The following SFMBT2 variants were observed in gnomAD, a reference collection of about 807,000 sequenced individuals.
The protein encoded by SFMBT2 is Scm like with four mbt domains 2.
In SFMBT2, 38 loss-of-function variants were observed where a neutral mutation model predicts 110.1. The observed-to-expected ratio is 0.35, with a 90% CI of 0.27 to 0.45. SFMBT2 has a LOEUF of 0.45. SFMBT2 is among the 20% of genes least tolerant of loss of function. SFMBT2 has a pLI of 1.00. For synonymous variants in SFMBT2, 425 were observed against 425.4 expected, an observed-to-expected ratio of 1.00 and a Z score of 0.01; for missense variants, 1,011 against 1,094.9, an observed-to-expected ratio of 0.92 and a Z score of 1.08.
chr10:7,310,795 C>T (rs1472759203), intron 4 of SFMBT2, among the ~76,000 whole-genome samples: 1 of 152,100 alleles, frequency 6.6e-6, no homozygotes, highest in African/African-American at 2.4e-5. Flanking sequence ...CTTGTAATCC[C>T]AGCACTCTGG....
chr10:7,268,604 G>C (rs898291210), intron 7 of SFMBT2, among the ~76,000 whole-genome samples: 1 of 151,850 alleles, frequency 6.6e-6, no homozygotes, highest in East Asian at 1.9e-4. Flanking sequence ...TCCACCTCTT[G>C]GGTTCAAGTG....
chr10:7,395,062 T>A (rs1316425785), intron 1 of SFMBT2, among the ~76,000 whole-genome samples: 4 of 152,184 alleles, frequency 2.6e-5, no homozygotes, highest in Non-Finnish European at 5.9e-5. Context: ...CTCATGTCTG[T>A]AATCCCAGCA....
chr10:7,235,515 C>T (rs1370881758), intron 9 of SFMBT2, among the ~76,000 whole-genome samples: 64 of 147,034 alleles, frequency 4.4e-4, no homozygotes, highest in Non-Finnish European at 6.1e-5. Context: ...CACACTCACA[C>T]CACACACTAC....
At chr10:7,351,737 C>T (rs1844323596) in intron 4 of SFMBT2, among the ~76,000 whole-genome samples, 1 of 151,900 alleles carries the variant, frequency 6.6e-6, no homozygotes, top group Non-Finnish European at 1.5e-5. Context: ...TGGACGTGGC[C>T]GAGTGAGGAG....
At chr10:7,187,064 GA>G (rs1298063734) in intron 16 of SFMBT2, among the ~76,000 whole-genome samples, 1 of 152,188 alleles carries the variant, frequency 6.6e-6, no homozygotes, top group East Asian at 1.9e-4. Flanking sequence ...AAAAAGCTCT[GA>G]TCGACTTGGT....
intron 1 of SFMBT2, among the ~76,000 whole-genome samples, chr10:7,410,500 G>T (rs530645240): frequency 6.6e-6 from 1 of 152,318 alleles, no homozygotes; most frequent in South Asian, 2.1e-4. Context: ...GGGGAAGGAG[G>T]ACACTTTGCA....
chr10:7,378,635 T>C (rs1366162931), intron 2 of SFMBT2, among the ~76,000 whole-genome samples: 1 of 77,808 alleles, frequency 1.3e-5, no homozygotes, highest in Admixed American at 1.4e-4. Flanking sequence ...GATGGATGGG[T>C]GGATGGATGG....
intron 16 of SFMBT2, chr10:7,176,539 C>T (rs1838061026): frequency 3.0e-6 from 3 of 984,570 alleles, no homozygotes; most frequent in Non-Finnish European, 3.6e-6. Flanking sequence ...TATCATATTT[C>T]ATTTTTGAAA....
chr10:7,376,966 C>T (rs1029031651), intron 2 of SFMBT2, among the ~76,000 whole-genome samples: 3 of 150,816 alleles, frequency 2.0e-5, no homozygotes, highest in South Asian at 2.1e-4. Context: ...GTCAGGAGAT[C>T]GAGACCGTCC....
intron 9 of SFMBT2, among the ~76,000 whole-genome samples, chr10:7,236,975 C>G (rs931856816): frequency 6.6e-6 from 1 of 152,142 alleles, no homozygotes; most frequent in African/African-American, 2.4e-5. Context: ...GGATGCAGTG[C>G]TCAACCATCC....
At chr10:7,317,468 C>T (rs1843050130) in intron 4 of SFMBT2, among the ~76,000 whole-genome samples, 1 of 151,774 alleles carries the variant, frequency 6.6e-6, no homozygotes, top group African/African-American at 2.4e-5. Flanking sequence ...ATGGAGAAAC[C>T]CCATCTCTAC....
chr10:7,326,680 A>G (rs998980566), intron 4 of SFMBT2, among the ~76,000 whole-genome samples: 1 of 152,212 alleles, frequency 6.6e-6, no homozygotes, highest in African/African-American at 2.4e-5. Flanking sequence ...TTAATTTTCT[A>G]AGTGGTGCAT....
At chr10:7,169,433 G>A (rs960862359) in intron 20 of SFMBT2, among the ~76,000 whole-genome samples, 1 of 152,166 alleles carries the variant, frequency 6.6e-6, no homozygotes, top group Non-Finnish European at 1.5e-5. Flanking sequence ...GTTCATTGCT[G>A]CATGAACTTG....
intron 3 of SFMBT2, among the ~76,000 whole-genome samples, chr10:7,369,253 C>T (rs553798487): frequency 1.3e-5 from 2 of 152,292 alleles, no homozygotes; most frequent in South Asian, 2.1e-4. Context: ...GAAAGTGCCC[C>T]GATTTACTGA....
chr10:7,320,583 T>A, intron 4 of SFMBT2: 1 of 985,086 alleles, frequency 1.0e-6, no homozygotes, highest in Non-Finnish European at 1.2e-6. Flanking sequence ...AACAGTAAAG[T>A]CACACCTGCT....
chr10:7,372,460 C>T (rs1564463477), intron 2 of SFMBT2, among the ~76,000 whole-genome samples: 2 of 152,192 alleles, frequency 1.3e-5, no homozygotes, highest in Admixed American at 6.5e-5. Context: ...GGAGAGAAAA[C>T]CTTTCCTTGG....
rs911653918 is a variant in SFMBT2, at chr10:7,248,733, T to C, written c.871-84A>G. ...TGTCCGGATGCGCTCCTGGAGCATT[T>C]TATTGGGCAACCAAAATCTTATGGA... On this transcript the variant is annotated intron_variant, in intron 7 of 20. Coordinates refer to ENST00000397167, the MANE Select transcript of SFMBT2 (RefSeq NM_001387889.1). 2.7e-5 allele frequency: 33 copies of C among 1,219,908 alleles called. No individual in the cohort carries two copies. In the Middle Eastern group the frequency reaches 1.7e-3, roughly 64 times the overall value. 75.6% of individuals were successfully genotyped at this position (1,219,908 alleles called of 1,614,324 possible).
chr10:7,230,451 T>C (rs1840083700), intron 9 of SFMBT2, among the ~76,000 whole-genome samples: 1 of 152,194 alleles, frequency 6.6e-6, no homozygotes, highest in African/African-American at 2.4e-5. Context: ...CAAAGCCTCA[T>C]ATTACTGTAG....
intron 4 of SFMBT2, among the ~76,000 whole-genome samples, chr10:7,329,267 C>G: frequency 6.6e-6 from 1 of 152,176 alleles, no homozygotes; most frequent in Non-Finnish European, 1.5e-5. Context: ...GTCAATGACG[C>G]CTGGCGTGTG....
Sources: allele counts gnomAD v4.1 joint callset (sites outside exome capture counted in the v4.1 genomes callset), GRCh38; gene constraint gnomAD v4.1.1; transcripts MANE v1.5; gene names NCBI Gene and HGNC (gene_info 2026-07-23, HGNC 2026-07-21).